CDH13: variants seen among roughly 807,000 people sequenced by gnomAD.
CDH13 encodes the protein cadherin 13, also known as cadherin-13.
In CDH13, 24 loss-of-function variants were observed where a neutral mutation model predicts 63.8. That is an observed-to-expected ratio of 0.38 (90% confidence interval 0.27 to 0.53). The LOEUF is 0.53. Ranked by LOEUF, CDH13 falls within the 20% of genes least tolerant of loss-of-function variation. CDH13 has a pLI of 0.85. For missense variants in CDH13, 1,049 were observed against 903.1 expected, an observed-to-expected ratio of 1.16 and a Z score of -2.07; for synonymous variants, 503 against 355.3, an observed-to-expected ratio of 1.42 and a Z score of -4.67.
At chr16:83,328,972 C>T (rs1308454551) in intron 5 of CDH13, among the ~76,000 whole-genome samples, 2 of 152,184 alleles carry the variant, frequency 1.3e-5, no homozygotes, top group Non-Finnish European at 2.9e-5. Context: ...GTTTGTCAAA[C>T]CTATGCCTAG....
At chr16:82,819,062 A>T (rs537803449) in intron 1 of CDH13, among the ~76,000 whole-genome samples, 3 of 152,314 alleles carry the variant, frequency 2.0e-5, no homozygotes, top group South Asian at 2.1e-4. Context: ...CTATTTATTC[A>T]ATACTAAAGA....
At chr16:82,866,104 A>T (rs2040127683) in intron 2 of CDH13, among the ~76,000 whole-genome samples, 1 of 152,138 alleles carries the variant, frequency 6.6e-6, no homozygotes. Context: ...AGTTCCCAGC[A>T]AGTTCCTCAT....
intron 2 of CDH13, among the ~76,000 whole-genome samples, chr16:83,010,148 A>C (rs1436549332): frequency 1.3e-5 from 2 of 148,274 alleles, no homozygotes; most frequent in Admixed American, 6.7e-5. Context: ...AAAAAAAAAA[A>C]AAAAAAAAAA....
chr16:83,171,107 G>A (rs2037895943), intron 4 of CDH13, among the ~76,000 whole-genome samples: 1 of 152,088 alleles, frequency 6.6e-6, no homozygotes, highest in Admixed American at 6.6e-5. Flanking sequence ...GGTTCTGCAG[G>A]CTGTGCAGGA....
chr16:83,194,041 T>C (rs1396737190), intron 4 of CDH13, among the ~76,000 whole-genome samples: 1 of 152,224 alleles, frequency 6.6e-6, no homozygotes, highest in Non-Finnish European at 1.5e-5. Flanking sequence ...AGGATGCTTT[T>C]CTCTACTTCT....
intron 5 of CDH13, among the ~76,000 whole-genome samples, chr16:83,284,910 A>T: frequency 6.6e-6 from 1 of 152,184 alleles, no homozygotes; most frequent in South Asian, 2.1e-4. Context: ...AACAAACTGG[A>T]TAGGTTCTCT....
rs930976172 is a variant in CDH13, at chr16:83,588,927, G to A, written c.961-13527G>A. Among the ~76,000 whole-genome samples the A allele has an allele frequency of 3.9e-5, 6 of 152,196 alleles. No homozygotes were observed. The South Asian group carries it at 6.2e-4, about 16-fold the overall frequency. On this transcript the variant is annotated intron_variant, in intron 7 of 13. Transcript: ENST00000567109. ...GCGTCTCAGTGTTCCAGGAAACTCAGCGGTCACCCCCCAGAGAAGGTGTAC... is the reference window on the plus strand; with the variant it reads ...GCGTCTCAGTGTTCCAGGAAACTCAACGGTCACCCCCCAGAGAAGGTGTAC...
intron 1 of CDH13, among the ~76,000 whole-genome samples, chr16:82,684,079 G>A (rs7194409): frequency 0.26 from 39,942 of 152,144 alleles, 7,712 homozygotes; most frequent in African/African-American, 0.53. Flanking sequence ...GGAAGAATTC[G>A]TGAATAGCCA....
intron 6 of CDH13, among the ~76,000 whole-genome samples, chr16:83,414,684 A>G (rs1300372425): frequency 6.6e-6 from 1 of 152,154 alleles, no homozygotes; most frequent in East Asian, 1.9e-4. Flanking sequence ...TCTTTCTGAG[A>G]CTGGTTTATT....
At chr16:83,653,385 A>G (rs1004701349) in intron 8 of CDH13, among the ~76,000 whole-genome samples, 1 of 152,180 alleles carries the variant, frequency 6.6e-6, no homozygotes, top group African/African-American at 2.4e-5. Context: ...ATGTCACCCA[A>G]AGGGTCACCT....
intron 1 of CDH13, among the ~76,000 whole-genome samples, chr16:82,684,600 G>C (rs1188616014): frequency 1.3e-5 from 2 of 151,986 alleles, no homozygotes; most frequent in Non-Finnish European, 2.9e-5. Context: ...TATGAGGACT[G>C]TTTCCAAAAT....
intron 1 of CDH13, among the ~76,000 whole-genome samples, chr16:82,746,237 TAA>T: frequency 6.6e-6 from 1 of 151,176 alleles, no homozygotes; most frequent in East Asian, 1.9e-4. Context: ...TGTTTATATA[TAA>T]ACACACTGTT....
At chr16:82,667,743 G>A (rs929937064) in intron 1 of CDH13, among the ~76,000 whole-genome samples, 23 of 152,090 alleles carry the variant, frequency 1.5e-4, no homozygotes, top group South Asian at 2.1e-4. Flanking sequence ...GCCGCCCCCC[G>A]CCTCTCCCCT....
chr16:83,479,198 C>T (rs972930423), intron 6 of CDH13, among the ~76,000 whole-genome samples: 7 of 151,956 alleles, frequency 4.6e-5, no homozygotes, highest in Non-Finnish European at 4.4e-5. Flanking sequence ...TGTTTCCTAA[C>T]AAGATTTTAA....
intron 5 of CDH13, among the ~76,000 whole-genome samples, chr16:83,254,375 G>A (rs1244539118): frequency 6.6e-6 from 1 of 152,212 alleles, no homozygotes; most frequent in Non-Finnish European, 1.5e-5. Context: ...TCAGACCTAA[G>A]ATTGAGGAAC....
chr16:82,705,197 C>A (rs1389505788), intron 1 of CDH13: 1 of 455,738 alleles, frequency 2.2e-6, no homozygotes, highest in South Asian at 1.6e-5. Context: ...ACTATTATTT[C>A]ATGATGAGCT....
At chr16:83,726,375 A>ATTCG (rs149183871) in intron 10 of CDH13, 105,172 of 151,690 alleles carry the variant, frequency 0.69, 36,558 homozygotes, top group East Asian at 0.82. Flanking sequence ...GGGTCCATTC[A>ATTCG]TTCATTCATT....
At chr16:82,794,484 C>A (rs2036483527) in intron 1 of CDH13, among the ~76,000 whole-genome samples, 1 of 151,058 alleles carries the variant, frequency 6.6e-6, no homozygotes, top group Non-Finnish European at 1.5e-5. Context: ...AAAATATTTC[C>A]CTTCAGAGAC....
intron 5 of CDH13, among the ~76,000 whole-genome samples, chr16:83,283,864 G>A (rs770321297): frequency 1.1e-4 from 16 of 152,220 alleles, no homozygotes; most frequent in African/African-American, 3.9e-4. Context: ...ATCCAGAGTT[G>A]TAAGCTCCTG....
Sources: allele counts gnomAD v4.1 joint callset (sites outside exome capture counted in the v4.1 genomes callset), GRCh38; gene constraint gnomAD v4.1.1; transcripts MANE v1.5; gene names NCBI Gene and HGNC (gene_info 2026-07-23, HGNC 2026-07-21).